TMEM97: variants seen among roughly 807,000 people sequenced by gnomAD.
TMEM97 encodes sigma intracellular receptor 2.
In TMEM97, 13 loss-of-function variants were observed where a neutral mutation model predicts 18.3. That is an observed-to-expected ratio of 0.71 (90% CI 0.46 to 1.13). TMEM97 has a LOEUF of 1.13. Among genes scored for constraint, TMEM97 ranks in the 50% most tolerant of loss-of-function variants. TMEM97 has a pLI of 0.00. For synonymous variants in TMEM97, 76 were observed against 85.3 expected (o/e 0.89, Z 0.60); for missense variants, 205 against 210.5 (o/e 0.97, Z 0.16).
intron 1 of TMEM97, among the ~76,000 whole-genome samples, chr17:28,320,849 A>G (rs1457329830): frequency 6.6e-6 from 1 of 152,180 alleles, no homozygotes; most frequent in Non-Finnish European, 1.5e-5. Context: ...GCTTCGGGTC[A>G]TCACATTGCC....
intron 1 of TMEM97, among the ~76,000 whole-genome samples, chr17:28,321,300 C>T (rs1033039351): frequency 6.6e-6 from 1 of 152,218 alleles, no homozygotes; most frequent in East Asian, 1.9e-4. Flanking sequence ...TTCCAGACTT[C>T]ACAGCTGTTG....
chr17:28,326,523 GACT>G lies in TMEM97; in HGVS notation c.272-8_272-6del. On this transcript the variant is annotated splice_polypyrimidine_tract_variant and splice_region_variant and intron_variant, in intron 2 of 2. Coordinates refer to ENST00000226230, the MANE Select transcript of TMEM97 (RefSeq NM_014573.3). ...GACCTAACCATTTTTCTTTTCCCCT[GACT>G]ACCTCAGGAAGCTGCAAGTGGATTC... The G allele has an allele frequency of 1.2e-6, 2 of 1,610,624 alleles. No individual in the cohort carries two copies. Among genetic ancestry groups the G allele is most frequent in the Non-Finnish European group, 1.7e-6 (2 of 1,177,832 alleles).
In TMEM97 at chr17:28,325,663, G is replaced by A; in HGVS notation, c.271+16G>A. ...TTCCTCAAAGGTTGGTAAATGGTGGGAAAATCCCATTTTTACTCAGAAATC... is the reference window on the plus strand; with the variant it reads ...TTCCTCAAAGGTTGGTAAATGGTGGAAAAATCCCATTTTTACTCAGAAATC... On this transcript the variant is annotated intron_variant, in intron 2 of 2. Coordinates refer to ENST00000226230, the MANE Select transcript of TMEM97 (RefSeq NM_014573.3). 1 of 1,613,600 alleles carries A rather than the reference G, an allele frequency of 6.2e-7. No homozygotes were observed. Among genetic ancestry groups the A allele is most frequent in the Non-Finnish European group, 8.5e-7 (1 of 1,179,834 alleles).
Position 28,326,780 on chromosome 17 carries a change from G to GAA in TMEM97, c.527_528dup (p.Ter177AsnfsTer188). The GAA allele has an allele frequency of 6.7e-7, 1 of 1,491,140 alleles. No individual in the cohort carries two copies. 92.4% of individuals were successfully genotyped at this position (1,491,140 alleles called of 1,614,324 possible). A position where few individuals can be genotyped will look rare whatever the true frequency, so the allele number is the denominator to read the frequency against. On this transcript the variant is annotated frameshift_variant, in exon 3 of 3. Coordinates refer to ENST00000226230, the MANE Select transcript of TMEM97 (RefSeq NM_014573.3). LOFTEE classifies it high-confidence loss of function. ...CCCTACTACAAGTATGAAGAGAAAA[G>GAA]AAAAAAAAAATGAAGGAAACAACCA...
intron 1 of TMEM97, among the ~76,000 whole-genome samples, chr17:28,320,188 G>A (rs1440754797): frequency 6.6e-6 from 1 of 152,056 alleles, no homozygotes; most frequent in Non-Finnish European, 1.5e-5. Flanking sequence ...TTGTCTACCC[G>A]AAGATTTTAT....
At chr17:28,322,114 G>A (rs1377644076) in intron 1 of TMEM97, among the ~76,000 whole-genome samples, 1 of 151,968 alleles carries the variant, frequency 6.6e-6, no homozygotes, top group Non-Finnish European at 1.5e-5. Flanking sequence ...TGTTTCCCTA[G>A]AGTTAAAAAA....
At chr17:28,319,855 C>T (rs931456021) in intron 1 of TMEM97, among the ~76,000 whole-genome samples, 2 of 152,164 alleles carry the variant, frequency 1.3e-5, no homozygotes, top group African/African-American at 4.8e-5. Context: ...ATCGTCACTG[C>T]TTCGAGATCA....
In TMEM97 at chr17:28,327,417, C is replaced by G. The variant is rs1906404227; in HGVS notation, c.*624C>G. 6.5e-6 allele frequency: 1 copy of G among 153,338 alleles called. No homozygotes were observed. The highest frequency in any genetic ancestry group is 1.5e-5 in the Non-Finnish European group (1 of 68,922). The allele number at this position is 153,338 out of a possible 1,614,324, so 9.5% of individuals were successfully genotyped here. A position where few individuals can be genotyped will look rare whatever the true frequency, so the allele number is the denominator to read the frequency against. ...CAAGATTACTAAAAGCAGGACCAGACCAGAAACTGCTAAAGAACATGGCCT... is the reference window on the plus strand; with the variant it reads ...CAAGATTACTAAAAGCAGGACCAGAGCAGAAACTGCTAAAGAACATGGCCT... On this transcript the variant is annotated 3_prime_UTR_variant, in exon 3 of 3. Transcript: ENST00000226230.
Position 28,328,292 on chromosome 17 carries a change from A to G in TMEM97, c.*1499A>G, listed in dbSNP as rs559267485. The G allele has an allele frequency of 1.3e-5, 3 of 228,308 alleles. No individual in the cohort carries two copies. The Admixed American group carries it at 1.7e-4, about 13-fold the overall frequency. The allele number at this position is 228,308 out of a possible 1,614,324, so 14.1% of individuals were successfully genotyped here. A position where few individuals can be genotyped will look rare whatever the true frequency, so the allele number is the denominator to read the frequency against. ...GGTTCTCTCATGAGGAGTTAAACATATTTCAAGAGCAACAGGAAAAAAGGT... is the reference window on the plus strand; with the variant it reads ...GGTTCTCTCATGAGGAGTTAAACATGTTTCAAGAGCAACAGGAAAAAAGGT... On this transcript the variant is annotated 3_prime_UTR_variant, in exon 3 of 3. Coordinates refer to ENST00000226230, the MANE Select transcript of TMEM97 (RefSeq NM_014573.3).
Position 28,326,954 on chromosome 17 carries a change from A to T in TMEM97, c.*161A>T. On this transcript the variant is annotated 3_prime_UTR_variant, in exon 3 of 3. Coordinates refer to ENST00000226230, the MANE Select transcript of TMEM97 (RefSeq NM_014573.3). ...GTGTCAGGAACCATGTCAAACCCTC[A>T]CCTTCTTCCATTTTTTTTTTTTTTT... The T allele has an allele frequency of 1.2e-6, 1 of 825,252 alleles. No homozygotes were observed. Among genetic ancestry groups the T allele is most frequent in the Non-Finnish European group, 1.8e-6 (1 of 554,692 alleles). 51.1% of individuals were successfully genotyped at this position (825,252 alleles called of 1,614,324 possible). A position where few individuals can be genotyped will look rare whatever the true frequency, so the allele number is the denominator to read the frequency against.
chr17:28,325,942 C>G, intron 2 of TMEM97: 1 of 418,214 alleles, frequency 2.4e-6, no homozygotes, highest in Non-Finnish European at 4.3e-6. Context: ...TGTTCCCCAA[C>G]AGAATTAATT....
At chr17:28,323,625 C>G (rs1412658411) in intron 1 of TMEM97, among the ~76,000 whole-genome samples, 2 of 152,118 alleles carry the variant, frequency 1.3e-5, no homozygotes, top group African/African-American at 4.8e-5. Context: ...TCTCAAACTC[C>G]TGACCTCAGG....
chr17:28,322,482 G>A (rs1374621399), intron 1 of TMEM97, among the ~76,000 whole-genome samples: 6 of 151,928 alleles, frequency 3.9e-5, no homozygotes, highest in African/African-American at 1.2e-4. Flanking sequence ...GACCTCAAGC[G>A]ATCTGCATGC....
At chr17:28,322,598 A>G (rs1295361966) in intron 1 of TMEM97, among the ~76,000 whole-genome samples, 3 of 152,182 alleles carry the variant, frequency 2.0e-5, no homozygotes, top group South Asian at 2.1e-4. Flanking sequence ...GGATAAGAAC[A>G]TGGTAAGGAG....
rs1555575869 is a variant in TMEM97, at chr17:28,328,489, T to TC, written c.*1701dup. Reference sequence around the variant, plus strand: ...GCTGTGCACTGATGTTAAAACTGGCTCCCCCAGACTTGTAGTGCTGTCTTC... The same window carrying TC: ...GCTGTGCACTGATGTTAAAACTGGCTCCCCCCAGACTTGTAGTGCTGTCTTC... On this transcript the variant is annotated 3_prime_UTR_variant, in exon 3 of 3. Coordinates refer to ENST00000226230, the MANE Select transcript of TMEM97 (RefSeq NM_014573.3). 1 of 636,790 alleles carries TC rather than the reference T, an allele frequency of 1.6e-6. No individual in the cohort carries two copies. Among genetic ancestry groups the TC allele is most frequent in the East Asian group, 2.8e-5 (1 of 36,026 alleles). 39.4% of individuals were successfully genotyped at this position (636,790 alleles called of 1,614,324 possible).
At chr17:28,320,247 C>A (rs145397499) in intron 1 of TMEM97, among the ~76,000 whole-genome samples, 37 of 152,240 alleles carry the variant, frequency 2.4e-4, no homozygotes, top group Non-Finnish European at 4.7e-4. Context: ...AGGAGGGGTT[C>A]TTTACCTGAG....
intron 1 of TMEM97, among the ~76,000 whole-genome samples, chr17:28,322,771 G>C (rs1007156911): frequency 6.6e-6 from 1 of 152,250 alleles, no homozygotes. Flanking sequence ...TTTAGAGATC[G>C]TGCGTGCAGG....
At chr17:28,324,410 G>A (rs1393957256) in intron 1 of TMEM97, among the ~76,000 whole-genome samples, 4 of 152,204 alleles carry the variant, frequency 2.6e-5, no homozygotes, top group Admixed American at 6.5e-5. Context: ...TCACAATAGC[G>A]AGGCTTTATC....
rs1291729662 is a variant in TMEM97, at chr17:28,326,716, C to T, written c.454C>T (p.Leu152Phe). 6.2e-7 allele frequency: 1 copy of T among 1,614,100 alleles called. No individual in the cohort carries two copies. Among genetic ancestry groups the T allele is most frequent in the Non-Finnish European group, 8.5e-7 (1 of 1,180,024 alleles). ...TGTGTCTGTCTATGCCCCCTACTTA[C>T]TCATCCCATTCATACTTTTAATTTT... ...TLVSVYAPYL[L>F]IPFILLIFML... Residue 152 changes from leucine to phenylalanine, a missense_variant, in exon 3 of 3, where the codon CTC becomes TTC. By Grantham distance (22) the Leu-to-Phe change is conservative. Coordinates refer to ENST00000226230, the MANE Select transcript of TMEM97 (RefSeq NM_014573.3).
Sources: gnomAD v4.1 joint callset for allele counts (sites outside exome capture counted in the v4.1 genomes callset) on GRCh38, gnomAD v4.1.1 for gene constraint, MANE v1.5 for transcripts, NCBI Gene and HGNC (gene_info 2026-07-23, HGNC 2026-07-21) for gene names.